The following DYNC2H1 variants were observed in gnomAD, a reference collection of about 807,000 sequenced individuals.
DYNC2H1 encodes the protein cytoplasmic dynein 2 heavy chain 1.
A neutral mutation model predicts 570.0 loss-of-function variants in DYNC2H1; 410 were observed. The ratio of observed to expected loss-of-function variants is 0.72; its 90% confidence interval spans 0.66 to 0.78. The LOEUF is 0.78. Ranked by LOEUF, DYNC2H1 falls within the 30% of genes least tolerant of loss-of-function variation. The probability of loss-of-function intolerance (pLI) is 0.00; values close to 1 mark genes in which losing one functional copy is unlikely to be tolerated. For missense variants in DYNC2H1, 4,865 were observed against 5,046.4 expected, an observed-to-expected ratio of 0.96 and a Z score of 1.09; for synonymous variants, 1,688 against 1,677.6, an observed-to-expected ratio of 1.01 and a Z score of -0.15.
chr11:103,381,695 C>A (rs1941655352), intron 83 of DYNC2H1, among the ~76,000 whole-genome samples: 1 of 152,230 alleles, frequency 6.6e-6, no homozygotes, highest in African/African-American at 2.4e-5. Context: ...GATCCACCAG[C>A]CTTGGCCTCC....
intron 79 of DYNC2H1, among the ~76,000 whole-genome samples, chr11:103,312,414 C>T (rs1246789535): frequency 2.8e-5 from 4 of 144,544 alleles, no homozygotes; most frequent in African/African-American, 5.2e-5. Context: ...TAGTGGCACA[C>T]GCCTGTAGTT....
chr11:103,383,341 A>T (rs1285409351), intron 83 of DYNC2H1, among the ~76,000 whole-genome samples: 1 of 152,212 alleles, frequency 6.6e-6, no homozygotes, highest in African/African-American at 2.4e-5. Flanking sequence ...TCACAAACAT[A>T]CATGCTGAGA....
At chr11:103,187,255 A>C in intron 42 of DYNC2H1, 85 bp from the exon 43 acceptor site, 2 of 1,532,082 alleles carry the variant, frequency 1.3e-6, no homozygotes, top group Admixed American at 4.2e-5. Context: ...TGAAATATTT[A>C]TGAGATAGAA....
chr11:103,205,849 T>G lies in DYNC2H1; in HGVS notation c.8454+885T>G, dbSNP rs77189837. Among the ~76,000 whole-genome samples, 318 of 151,840 alleles carry G rather than the reference T, an allele frequency of 2.1e-3. 1 individual carries two copies. Among genetic ancestry groups the G allele is most frequent in the African/African-American group, 7.5e-3 (311 of 41,410 alleles). ...TGGAGCAGAGTGATTGAGGGGAGAG[T>G]TGGTGAAGATGATGTCAGAGAACTA... On this transcript the variant is annotated intron_variant, in intron 52 of 88. Transcript: ENST00000375735. This position sits in a 1 kb window ranked among gnomAD's most constrained non-coding sequence, Gnocchi z 4.5.
At chr11:103,184,844 A>G in intron 40 of DYNC2H1, 52 bp from the exon 41 acceptor site, 1 of 1,595,450 alleles carries the variant, frequency 6.3e-7, no homozygotes. Context: ...TTCTATGTTT[A>G]CTGGTTAATA....
chr11:103,410,668 G>C (rs1245100148), intron 84 of DYNC2H1, among the ~76,000 whole-genome samples: 1 of 152,100 alleles, frequency 6.6e-6, no homozygotes, highest in Admixed American at 6.6e-5. Flanking sequence ...GTGTCTTCAG[G>C]ATATTAAAGC....
rs769771518 is a variant in DYNC2H1, at chr11:103,181,792, C to T, written c.6383C>T (p.Ser2128Phe). 1.3e-6 allele frequency: 2 copies of T among 1,573,632 alleles called. No individual in the cohort carries two copies. Among genetic ancestry groups the T allele is most frequent in the African/African-American group, 1.4e-5 (1 of 73,984 alleles). ...ACAGATCTTAATTCTCTGATAAAATCTTGGTTGAGGAATCAGCCTGCTGAA... is the reference window on the plus strand; with the variant it reads ...ACAGATCTTAATTCTCTGATAAAATTTTGGTTGAGGAATCAGCCTGCTGAA... ...EETDLNSLIK[S>F]WLRNQPAEYR... The change falls in exon 40 of 89, where the codon TCT becomes TTT. Residue 2128 changes from serine to phenylalanine, a missense_variant. Ser to Phe is a radical substitution (Grantham distance 155). Coordinates refer to ENST00000375735, the MANE Select transcript of DYNC2H1 (RefSeq NM_001377.3). The surrounding 1 kb of genome is among the most constrained non-coding windows in gnomAD (Gnocchi z 5.0).
chr11:103,188,163 A>G (rs183359641), intron 43 of DYNC2H1, among the ~76,000 whole-genome samples: 243 of 152,214 alleles, frequency 1.6e-3, no homozygotes, highest in Admixed American at 4.1e-3. Context: ...ATTTACAGAA[A>G]AAAACAAAAA....
intron 75 of DYNC2H1, among the ~76,000 whole-genome samples, chr11:103,293,371 A>G (rs1238023022): frequency 6.6e-6 from 1 of 152,024 alleles, no homozygotes; most frequent in Admixed American, 6.6e-5. Flanking sequence ...GGCCTTTAAG[A>G]GTGATTATTA....
chr11:103,408,046 G>A (rs1428623502), intron 84 of DYNC2H1: 3 of 151,978 alleles, frequency 2.0e-5, no homozygotes, highest in Admixed American at 1.3e-4. Context: ...AGATGGCTAG[G>A]CTTGATGTGG....
intron 88 of DYNC2H1, among the ~76,000 whole-genome samples, chr11:103,469,948 C>T (rs7946826): frequency 0.074 from 11,161 of 150,694 alleles, 449 homozygotes; most frequent in Non-Finnish European, 0.093. Flanking sequence ...TAAATTCCAA[C>T]GAATTTAAAT....
At chr11:103,220,838 T>C (rs1863559089) in intron 57 of DYNC2H1, 55 bp downstream of exon 57, 6 of 1,502,220 alleles carry the variant, frequency 4.0e-6, no homozygotes, top group African/African-American at 1.4e-5. Context: ...ACACATTCTT[T>C]CGTAGTTTTA....
chr11:103,329,205 G>C (rs1481543713), intron 82 of DYNC2H1, among the ~76,000 whole-genome samples: 8 of 151,836 alleles, frequency 5.3e-5, no homozygotes, highest in Non-Finnish European at 1.2e-4. Context: ...ACACATACTT[G>C]AAGATGGGAA....
At chr11:103,398,327 T>G (rs1039990016) in intron 83 of DYNC2H1, among the ~76,000 whole-genome samples, 2 of 152,204 alleles carry the variant, frequency 1.3e-5, no homozygotes, top group African/African-American at 4.8e-5. Context: ...GGATTCAGTA[T>G]GAATGTATCT....
intron 73 of DYNC2H1, among the ~76,000 whole-genome samples, chr11:103,285,013 A>T (rs1055196888): frequency 6.6e-6 from 1 of 152,252 alleles, no homozygotes; most frequent in Non-Finnish European, 1.5e-5. Context: ...TTTGTGAGGT[A>T]GCAAAGAGGG....
chr11:103,391,013 C>G (rs1269752183), intron 83 of DYNC2H1, among the ~76,000 whole-genome samples: 2 of 152,100 alleles, frequency 1.3e-5, no homozygotes, highest in Admixed American at 6.5e-5. Context: ...TTGTGGCATT[C>G]TCTGTATTTC....
intron 78 of DYNC2H1, among the ~76,000 whole-genome samples, chr11:103,309,844 G>T (rs1867494303): frequency 6.6e-6 from 1 of 152,054 alleles, no homozygotes; most frequent in Non-Finnish European, 1.5e-5. Flanking sequence ...ATTATACCAG[G>T]TAAACTGTTC....
In DYNC2H1 at chr11:103,135,911, T is replaced by C. The variant is rs1271075154; in HGVS notation, c.2537T>C (p.Leu846Pro). ...FLTIFSKAED[L>P]FRRLSAVLHQ... is the part of the protein sequence containing the mutation. ...ACGATTTTCAGCAAAGCAGAAGATC[T>C]GTTTAGAAGATTGTCAGCTGTTTTA... The change falls in exon 17 of 89, where the codon CTG (leucine) becomes CCG (proline). Residue 846 changes from leucine to proline, a missense_variant. Transcript: ENST00000375735. 1 of 1,611,070 alleles carries C rather than the reference T, an allele frequency of 6.2e-7. No individual in the cohort carries two copies. The highest frequency in any genetic ancestry group is 8.5e-7 in the Non-Finnish European group (1 of 1,178,130).
At chr11:103,382,443 T>C (rs1189551897) in intron 83 of DYNC2H1, among the ~76,000 whole-genome samples, 4 of 152,200 alleles carry the variant, frequency 2.6e-5, no homozygotes, top group African/African-American at 9.6e-5. Context: ...ATTAAGAAAG[T>C]AACAAAAATA....
Sources: gnomAD v4.1 joint callset for allele counts (sites outside exome capture counted in the v4.1 genomes callset) on GRCh38, gnomAD v4.1.1 for gene constraint, Gnocchi (gnomAD v3.1) non-coding constraint, MANE v1.5 for transcripts, NCBI Gene and HGNC (gene_info 2026-07-23, HGNC 2026-07-21) for gene names.